Variants in JTB observed in about 807,000 individuals in gnomAD.
The protein encoded by JTB is jumping translocation breakpoint, also known as protein JTB.
In JTB, 10 loss-of-function variants were observed where a neutral mutation model predicts 22.1. The ratio of observed to expected loss-of-function variants is 0.45; its 90% CI spans 0.28 to 0.77. JTB has a LOEUF of 0.77. Among genes scored for constraint, JTB ranks in the 30% least tolerant of loss-of-function variants. JTB has a pLI of 0.13. For missense variants in JTB, 137 were observed against 180.3 expected (o/e 0.76, Z 1.38); for synonymous variants, 83 against 66.8 (o/e 1.24, Z -1.18).
chr1:153,976,715 G>GAGC lies in JTB; in HGVS notation c.179_181dup (p.Cys60dup), dbSNP rs1342011769. On this transcript the variant is annotated inframe_insertion, in exon 3 of 5. Transcript: ENST00000271843. The stretch of plus-strand genomic sequence containing the variant: ...CACAGCCCGGAAATTAGAGCATGGA[G>GAGC]AGCACTCTTCTGCTACCACAAACTC... 14 of 1,613,962 alleles carry GAGC rather than the reference G, an allele frequency of 8.7e-6. No individual in the cohort carries two copies. Among genetic ancestry groups the GAGC allele is most frequent in the Non-Finnish European group, 1.2e-5 (14 of 1,179,942 alleles).
Position 153,974,743 on chromosome 1 carries a change from A to G in JTB, c.377T>C (p.Ile126Thr). The G allele has an allele frequency of 6.2e-7, 1 of 1,613,978 alleles. No individual in the cohort carries two copies. Among genetic ancestry groups the G allele is most frequent in the Non-Finnish European group, 8.5e-7 (1 of 1,179,840 alleles). Residue 126 changes from isoleucine to threonine, a missense_variant, in exon 5 of 5, where the codon ATT becomes ACT. Ile to Thr is a moderately conservative substitution (Grantham distance 89, BLOSUM62 -1). Coordinates refer to ENST00000271843, the MANE Select transcript of JTB (RefSeq NM_006694.4). Reference sequence around the variant, plus strand: ...CTTTCTGTCCAATTGTCGCTGACGAATGATGACAAGACAAGCGAAGATCAG... The same window carrying G: ...CTTTCTGTCCAATTGTCGCTGACGAGTGATGACAAGACAAGCGAAGATCAG... ...VALIFACLVI[I>T]RQRQLDRKAL...
At position 153,977,463 on chromosome 1, in the gene JTB, G is replaced by C. The variant is rs895943272; in HGVS notation, c.-211C>G. Reference sequence around the variant, plus strand: ...AAAATCGATATGTTTTTGCGGGCTAGGGAGGCGAGCGCCTTCTGCGGGGTC... The same window carrying C: ...AAAATCGATATGTTTTTGCGGGCTACGGAGGCGAGCGCCTTCTGCGGGGTC... On this transcript the variant is annotated 5_prime_UTR_variant, in exon 1 of 5. Transcript: ENST00000271843. The C allele has an allele frequency of 2.3e-6, 3 of 1,320,434 alleles. No homozygotes were observed. Among genetic ancestry groups the C allele is most frequent in the Non-Finnish European group, 2.9e-6 (3 of 1,035,148 alleles). 81.8% of individuals were successfully genotyped at this position (1,320,434 alleles called of 1,614,324 possible).
At chr1:153,974,884 T>C (rs748110724) in intron 4 of JTB, 49 bp from the exon 5 acceptor site, 20 of 1,570,882 alleles carry the variant, frequency 1.3e-5, no homozygotes, top group Middle Eastern at 2.0e-4. Context: ...AGACAGCTTC[T>C]CCCTCTAATT....
chr1:153,976,595 G>A, intron 3 of JTB, 98 bp downstream of exon 3: 2 of 971,382 alleles, frequency 2.1e-6, no homozygotes, highest in Non-Finnish European at 3.2e-6. Context: ...AAAAAAAGAT[G>A]ATGCAAAGGC....
At chr1:153,976,078 G>A (rs978129167) in intron 3 of JTB, among the ~76,000 whole-genome samples, 173 bp from the exon 4 acceptor site, 2 of 152,200 alleles carry the variant, frequency 1.3e-5, no homozygotes, top group South Asian at 2.1e-4. Flanking sequence ...GCATGATTAC[G>A]AATGTATGTT....
In JTB at chr1:153,977,413, G is replaced by A. The variant is rs1010563106; in HGVS notation, c.-161C>T. The A allele has an allele frequency of 2.2e-6, 3 of 1,392,988 alleles. No homozygotes were observed. The East Asian group carries it at 8.1e-5, about 37-fold the overall frequency. 86.3% of individuals were successfully genotyped at this position (1,392,988 alleles called of 1,614,324 possible). On this transcript the variant is annotated 5_prime_UTR_variant, in exon 1 of 5. Transcript: ENST00000271843. ...GCCTATTGGAGCAGAGGATCTATCA[G>A]GACGTCCCCGTTGCCACAGCGAGAA... is the stretch of plus-strand genomic sequence containing the variant.
chr1:153,977,511 C>A lies in JTB; in HGVS notation c.-259G>T, dbSNP rs578040681. The A allele has an allele frequency of 5.9e-6, 7 of 1,182,916 alleles. No homozygotes were observed. Among genetic ancestry groups the A allele is most frequent in the Non-Finnish European group, 6.3e-6 (6 of 951,558 alleles). The allele number at this position is 1,182,916 out of a possible 1,614,324, so 73.3% of individuals were successfully genotyped here. ...GTCCGCAGGGCGCTGGAGGAAGGGC[C>A]GGCGGGGGCTCGCGGCCCTAGCGCC... On this transcript the variant is annotated 5_prime_UTR_variant, in exon 1 of 5. Transcript: ENST00000271843.
Position 153,977,566 on chromosome 1 carries a change from G to A in JTB, c.-314C>T. 9.0e-7 allele frequency: 1 copy of A among 1,108,542 alleles called. No homozygotes were observed. The highest frequency in any genetic ancestry group is 2.6e-5 in the South Asian group (1 of 39,140). The allele number at this position is 1,108,542 out of a possible 1,614,324, so 68.7% of individuals were successfully genotyped here. On this transcript the variant is annotated 5_prime_UTR_variant, in exon 1 of 5. Transcript: ENST00000271843. Reference sequence around the variant, plus strand: ...CACCTCCGCTCCCGCCCCCGACGCAGCCATCTAGCCCCGTGGAGGATCCTC... The same window carrying A: ...CACCTCCGCTCCCGCCCCCGACGCAACCATCTAGCCCCGTGGAGGATCCTC...
rs987499533 is a variant in JTB, at chr1:153,974,609, A to C, written c.*70T>G. On this transcript the variant is annotated 3_prime_UTR_variant, in exon 5 of 5. Coordinates refer to ENST00000271843, the MANE Select transcript of JTB (RefSeq NM_006694.4). Reference sequence around the variant, plus strand: ...AAGGCTCCAAAGAACCAAGAGTGCAAATCAGTCCATTTCACTTTCACTGTC... The same window carrying C: ...AAGGCTCCAAAGAACCAAGAGTGCACATCAGTCCATTTCACTTTCACTGTC... 36 of 1,389,964 alleles carry C rather than the reference A, an allele frequency of 2.6e-5. No individual in the cohort carries two copies. The Admixed American group carries it at 5.7e-4, about 22-fold the overall frequency. 86.1% of individuals were successfully genotyped at this position (1,389,964 alleles called of 1,614,324 possible). A position where few individuals can be genotyped will look rare whatever the true frequency, so the allele number is the denominator to read the frequency against.
chr1:153,977,307 T>C lies in JTB; in HGVS notation c.-55A>G. ...AGAGGGACCTACTCCACAGGCCTCG[T>C]GCCTCCGTCGGAGCGCAGAGGCGGC... On this transcript the variant is annotated 5_prime_UTR_variant, in exon 1 of 5. Transcript: ENST00000271843. 1.9e-6 allele frequency: 3 copies of C among 1,596,330 alleles called. No homozygotes were observed. Among genetic ancestry groups the C allele is most frequent in the Non-Finnish European group, 1.7e-6 (2 of 1,171,294 alleles).
intron 4 of JTB, 80 bp downstream of exon 4, chr1:153,975,746 A>T: frequency 9.0e-7 from 1 of 1,113,364 alleles, no homozygotes. Flanking sequence ...CTACCCCCAG[A>T]CCAGGGGAAA....
At chr1:153,976,837 C>T (rs1307212354) in intron 2 of JTB, 62 bp from the exon 3 acceptor site, 3 of 1,600,240 alleles carry the variant, frequency 1.9e-6, no homozygotes, top group South Asian at 2.2e-5. Context: ...CAGGCTCTGC[C>T]CATCCAACTT....
In JTB at chr1:153,974,846, G is replaced by A. The variant is rs958416015; in HGVS notation, c.285-11C>T. The A allele has an allele frequency of 4.4e-6, 7 of 1,597,828 alleles. No individual in the cohort carries two copies. The highest frequency in any genetic ancestry group is 1.7e-4 in the Middle Eastern group (1 of 5,900). On this transcript the variant is annotated splice_polypyrimidine_tract_variant and intron_variant, in intron 4 of 4. Coordinates refer to ENST00000271843, the MANE Select transcript of JTB (RefSeq NM_006694.4). ...AAAGCTGAGCGGCAGCTGAGGGCAG[G>A]AAGGAATAGTTATTCCCAAGGAAGG... is the stretch of plus-strand genomic sequence containing the variant.
At chr1:153,977,095 C>A in intron 1 of JTB, 75 bp downstream of exon 1, 1 of 1,613,988 alleles carries the variant, frequency 6.2e-7, no homozygotes, top group Non-Finnish European at 8.5e-7. Flanking sequence ...TGGATAAGAT[C>A]TCCCCCAGCC....
chr1:153,975,681 A>C, intron 4 of JTB, 145 bp downstream of exon 4: 1 of 627,824 alleles, frequency 1.6e-6, no homozygotes, highest in Non-Finnish European at 2.8e-6. Context: ...CAGCCTCCCT[A>C]AGTACTGGGA....
chr1:153,975,420 CTTTTTTTTT>C (rs759464567), intron 4 of JTB, among the ~76,000 whole-genome samples: 3 of 112,364 alleles, frequency 2.7e-5, no homozygotes, highest in Non-Finnish European at 5.4e-5. Flanking sequence ...CTCCCAGCCT[CTTTTTTTTT>C]TTTTTTTTTT....
Position 153,974,534 on chromosome 1 carries a change from G to T in JTB, c.*145C>A. The stretch of plus-strand genomic sequence containing the variant: ...GAAACCATTTTACTCTTTTTATTCT[G>T]CTCATTAATGATCTGAAAGAAGAAG... On this transcript the variant is annotated 3_prime_UTR_variant, in exon 5 of 5. Transcript: ENST00000271843. 1.5e-6 allele frequency: 1 copy of T among 653,182 alleles called. No homozygotes were observed. Among genetic ancestry groups the T allele is most frequent in the Non-Finnish European group, 2.6e-6 (1 of 387,570 alleles). 40.5% of individuals were successfully genotyped at this position (653,182 alleles called of 1,614,324 possible). A position where few individuals can be genotyped will look rare whatever the true frequency, so the allele number is the denominator to read the frequency against.
At position 153,974,679 on chromosome 1, in the gene JTB, C is replaced by CT; in HGVS notation, c.440dup (p.Ter147=). 1 of 1,611,380 alleles carries CT rather than the reference C, an allele frequency of 6.2e-7. No homozygotes were observed. ...CCCAGGATACAAGGGTGGAATGTAG[C>CT]TATATGGACTCGATTTGCTTCCGGA... The part of the protein sequence containing the change: ...EKVRKQIESI[*] The change falls in exon 5 of 5, where the codon TAG becomes TAAG. Residue 147 remains the stop codon, a frameshift_variant and stop_retained_variant. Transcript: ENST00000271843. LOFTEE classifies it high-confidence loss of function.
At chr1:153,976,591 AGAT>A (rs1648803097) in intron 3 of JTB, 99 bp downstream of exon 3, 5 of 950,910 alleles carry the variant, frequency 5.3e-6, no homozygotes, top group Non-Finnish European at 8.2e-6. Flanking sequence ...AAAGAAAAAA[AGAT>A]GATGCAAAGG....
Sources: allele counts gnomAD v4.1 joint callset (sites outside exome capture counted in the v4.1 genomes callset), GRCh38; gene constraint gnomAD v4.1.1; transcripts MANE v1.5; gene names NCBI Gene and HGNC (gene_info 2026-07-23, HGNC 2026-07-21).